The following REDIC1 variants were observed in gnomAD, a reference collection of about 807,000 sequenced individuals.
The protein encoded by REDIC1 is regulator of DNA class I crossover intermediates 1.
chr12:39,758,598 G>A, the REDIC1 span: 2 of 151,922 alleles, frequency 1.3e-5, no homozygotes, highest in Non-Finnish European at 2.9e-5. Flanking sequence ...CAAAAATTAA[G>A]AGTTCAGTGA....
At chr12:39,731,255 G>A in the REDIC1 span, among the ~76,000 whole-genome samples, 1 of 152,176 alleles carries the variant, frequency 6.6e-6, no homozygotes, top group Non-Finnish European at 1.5e-5. Flanking sequence ...GGAATTTTCA[G>A]CCTTTTTGTG....
chr12:39,859,142 G>A, the REDIC1 span, among the ~76,000 whole-genome samples: 1 of 152,206 alleles, frequency 6.6e-6, no homozygotes, highest in Non-Finnish European at 1.5e-5. Context: ...TGAAGCCACA[G>A]TTTGTCAATT....
At chr12:39,691,974 A>G in the REDIC1 span, 89 of 1,257,968 alleles carry the variant, frequency 7.1e-5, no homozygotes, top group African/African-American at 7.2e-4. Flanking sequence ...ATGAATTGGT[A>G]GTGTAAATAA....
chr12:39,829,226 A>G, the REDIC1 span, among the ~76,000 whole-genome samples: 2 of 151,962 alleles, frequency 1.3e-5, no homozygotes, highest in South Asian at 2.1e-4. Context: ...TCATTTATGC[A>G]TGTACTACAA....
At chr12:39,718,167 G>A in the REDIC1 span, among the ~76,000 whole-genome samples, 1 of 151,950 alleles carries the variant, frequency 6.6e-6, no homozygotes, top group Non-Finnish European at 1.5e-5. Context: ...ATTTTATGAT[G>A]TTCTCTCTCT....
the REDIC1 span, among the ~76,000 whole-genome samples, chr12:39,745,406 T>C: frequency 6.7e-6 from 1 of 150,314 alleles, no homozygotes; most frequent in Non-Finnish European, 1.5e-5. Context: ...TTAATTCAGA[T>C]TTATAAAGCT....
chr12:39,792,922 T>C, the REDIC1 span, among the ~76,000 whole-genome samples: 1 of 152,200 alleles, frequency 6.6e-6, no homozygotes, highest in Non-Finnish European at 1.5e-5. Flanking sequence ...CTCTATGGTA[T>C]CTTTTTGTGA....
At chr12:39,859,333 GA>G in the REDIC1 span, among the ~76,000 whole-genome samples, 4,228 of 61,928 alleles carry the variant, frequency 0.068, 163 homozygotes, top group East Asian at 0.14. Flanking sequence ...TTTTTTTTCT[GA>G]AAAAAAAAAA....
the REDIC1 span, among the ~76,000 whole-genome samples, chr12:39,655,789 A>C: frequency 6.6e-6 from 1 of 152,128 alleles, no homozygotes; most frequent in African/African-American, 2.4e-5. Context: ...ATGGACACCT[A>C]CTATTTCTAC....
the REDIC1 span, among the ~76,000 whole-genome samples, chr12:39,713,666 T>A: frequency 1.3e-5 from 2 of 149,712 alleles, no homozygotes; most frequent in African/African-American, 4.9e-5. Flanking sequence ...CATGCGTATA[T>A]ACATATGTAT....
chr12:39,793,045 A>G, the REDIC1 span, among the ~76,000 whole-genome samples: 2 of 152,148 alleles, frequency 1.3e-5, no homozygotes, highest in South Asian at 4.1e-4. Context: ...AAGATATAAA[A>G]CTATATTGTC....
the REDIC1 span, among the ~76,000 whole-genome samples, chr12:39,889,134 C>T: frequency 6.6e-6 from 1 of 151,970 alleles, no homozygotes; most frequent in Non-Finnish European, 1.5e-5. Context: ...AATGTTGGCT[C>T]ATATCATATT....
the REDIC1 span, chr12:39,643,627 TTAATTGTAATGTATTTATAAACATA>T: frequency 1.8e-6 from 1 of 550,790 alleles, no homozygotes; most frequent in Non-Finnish European, 3.0e-6. Flanking sequence ...CAAGTTATGA[TTAATTGTAATGTATTTATAAACATA>T]TAAAGATGTC....
the REDIC1 span, among the ~76,000 whole-genome samples, chr12:39,642,942 A>G: frequency 1.3e-5 from 2 of 151,784 alleles, no homozygotes; most frequent in Non-Finnish European, 2.9e-5. Context: ...CTTCTTGAAA[A>G]TAAATATGAT....
At chr12:39,835,375 A>G in the REDIC1 span, among the ~76,000 whole-genome samples, 1 of 152,150 alleles carries the variant, frequency 6.6e-6, no homozygotes, top group Non-Finnish European at 1.5e-5. Flanking sequence ...GCAACTTCTC[A>G]CAAACATTTA....
chr12:39,628,647 A>G, the REDIC1 span, among the ~76,000 whole-genome samples: 1 of 152,160 alleles, frequency 6.6e-6, no homozygotes, highest in Admixed American at 6.5e-5. Flanking sequence ...TTACCTGACT[A>G]CCTGTTTAGG....
At chr12:39,687,483 G>C in the REDIC1 span, among the ~76,000 whole-genome samples, 1 of 53,528 alleles carries the variant, frequency 1.9e-5, no homozygotes, top group African/African-American at 4.4e-5. Context: ...GAGAGAGTGA[G>C]GTGGGAGTGC....
the REDIC1 span, among the ~76,000 whole-genome samples, chr12:39,634,723 G>A: frequency 6.6e-6 from 1 of 152,066 alleles, no homozygotes; most frequent in Non-Finnish European, 1.5e-5. Context: ...ACATAGGCAT[G>A]GGCAAAGACT....
At chr12:39,866,681 G>C in the REDIC1 span, among the ~76,000 whole-genome samples, 1 of 152,048 alleles carries the variant, frequency 6.6e-6, no homozygotes, top group African/African-American at 2.4e-5. Flanking sequence ...GGGTTTCACC[G>C]TGTTAGCCAG....
Sources: gnomAD v4.1 joint callset for allele counts (sites outside exome capture counted in the v4.1 genomes callset) on GRCh38, gnomAD v4.1.1 for gene constraint, MANE v1.5 for transcripts, NCBI Gene and HGNC (gene_info 2026-07-23, HGNC 2026-07-21) for gene names.